The following TTC23L variants were observed in gnomAD, a reference collection of about 807,000 sequenced individuals.
TTC23L encodes tetratricopeptide repeat protein 23-like.
A neutral mutation model predicts 48.1 loss-of-function variants in TTC23L; 42 were observed. That is an observed-to-expected ratio of 0.87 (90% confidence interval 0.68 to 1.13). The LOEUF (loss-of-function observed/expected upper bound fraction) is 1.13. Ranked by LOEUF, TTC23L falls within the 50% of genes most tolerant of loss-of-function variation. TTC23L has a pLI of 0.00. For missense variants in TTC23L, 391 were observed against 421.0 expected (o/e 0.93, Z 0.62); for synonymous variants, 159 against 157.2 (o/e 1.01, Z -0.09).
intron 8 of TTC23L, among the ~76,000 whole-genome samples, chr5:34,877,008 A>T (rs190426134): frequency 2.8e-4 from 42 of 151,530 alleles, no homozygotes; most frequent in Admixed American, 2.0e-3. Flanking sequence ...ATCAAGATTT[A>T]AAAAAAAACA....
At chr5:34,869,287 T>G in intron 8 of TTC23L, 1 of 372,174 alleles carries the variant, frequency 2.7e-6, no homozygotes, top group Non-Finnish European at 5.2e-6. Flanking sequence ...CTAATAGATA[T>G]CACACATACT....
chr5:34,847,328 G>A (rs1028167841), intron 3 of TTC23L, among the ~76,000 whole-genome samples: 9 of 152,078 alleles, frequency 5.9e-5, no homozygotes, highest in African/African-American at 2.2e-4. Flanking sequence ...TGTAAGTGGG[G>A]GTTTTCAAGG....
At chr5:34,915,173 G>A in the TTC23L span, among the ~76,000 whole-genome samples, 1 of 152,226 alleles carries the variant, frequency 6.6e-6, no homozygotes, top group Non-Finnish European at 1.5e-5. Context: ...GTGAAAAGTT[G>A]TGAAGAATGA....
intron 10 of TTC23L, 139 bp from the exon 11 acceptor site, chr5:34,899,251 A>G (rs1056282468): frequency 6.6e-6 from 1 of 152,620 alleles, no homozygotes; most frequent in Admixed American, 6.5e-5. Context: ...TAATGGTGAC[A>G]CAGTCGCCTC....
At chr5:34,875,173 C>T (rs573467618) in intron 8 of TTC23L, among the ~76,000 whole-genome samples, 9 of 152,226 alleles carry the variant, frequency 5.9e-5, no homozygotes, top group East Asian at 3.9e-4. Flanking sequence ...TTAATGTGTA[C>T]GTGCCTAACA....
intron 2 of TTC23L, among the ~76,000 whole-genome samples, chr5:34,841,616 CAA>C (rs1404200402): frequency 1.3e-5 from 2 of 152,316 alleles, no homozygotes; most frequent in African/African-American, 4.8e-5. Flanking sequence ...CTCTTAGGCT[CAA>C]GAGATCCTCC....
At chr5:34,855,667 C>A (rs575296178) in intron 4 of TTC23L, among the ~76,000 whole-genome samples, 1 of 152,302 alleles carries the variant, frequency 6.6e-6, no homozygotes, top group African/African-American at 2.4e-5. Context: ...TACATACACA[C>A]AGTGGGATAT....
At chr5:34,919,585 A>G in the TTC23L span, among the ~76,000 whole-genome samples, 1 of 152,192 alleles carries the variant, frequency 6.6e-6, no homozygotes, top group Non-Finnish European at 1.5e-5. Flanking sequence ...GAATACCTAA[A>G]TATTGAGAAA....
At chr5:34,909,434 C>G in the TTC23L span, 1 of 989,122 alleles carries the variant, frequency 1.0e-6, no homozygotes, top group Admixed American at 2.0e-5. Flanking sequence ...AAAACACTTC[C>G]TTAAGAAATT....
chr5:34,924,363 A>C, the TTC23L span, among the ~76,000 whole-genome samples: 1 of 152,224 alleles, frequency 6.6e-6, no homozygotes, highest in Admixed American at 6.5e-5. Flanking sequence ...AGATAACATA[A>C]ATATTTGTTG....
chr5:34,880,769 G>A, intron 9 of TTC23L: 1 of 292,944 alleles, frequency 3.4e-6, no homozygotes, highest in South Asian at 2.8e-5. Context: ...CTCCCAAGTA[G>A]CTGGGATTAC....
intron 7 of TTC23L, 82 bp from the exon 8 acceptor site, chr5:34,868,823 G>C: frequency 8.6e-7 from 1 of 1,164,326 alleles, no homozygotes; most frequent in Non-Finnish European, 1.3e-6. Flanking sequence ...GGCAGAGCTG[G>C]GACTCAAACT....
chr5:34,850,228 C>T, exon 4 of TTC23L: 1 of 1,613,928 alleles, frequency 6.2e-7, no homozygotes, highest in East Asian at 2.2e-5. Flanking sequence ...GTCATCCTTT[C>T]TCGGATTATT....
At chr5:34,917,556 C>T in the TTC23L span, among the ~76,000 whole-genome samples, 1 of 152,072 alleles carries the variant, frequency 6.6e-6, no homozygotes, top group Admixed American at 6.5e-5. Context: ...AGGAGAATCG[C>T]TTGAACCCGG....
At chr5:34,915,531 C>A in the TTC23L span, 4 of 545,500 alleles carry the variant, frequency 7.3e-6, no homozygotes, top group South Asian at 2.8e-5. Context: ...CTCTTCAGAC[C>A]GGCCCTCCAC....
At chr5:34,847,913 T>C (rs1199019696) in intron 3 of TTC23L, among the ~76,000 whole-genome samples, 1 of 152,222 alleles carries the variant, frequency 6.6e-6, no homozygotes, top group African/African-American at 2.4e-5. Context: ...GGTACTGCTG[T>C]ATCTTATCTA....
At chr5:34,921,727 G>A in the TTC23L span, 1 of 152,486 alleles carries the variant, frequency 6.6e-6, no homozygotes, top group African/African-American at 2.4e-5. Flanking sequence ...CCAACATGGA[G>A]AAACCCCATC....
rs1761993949 is a variant in TTC23L, at chr5:34,878,249, C to A, written c.950-1932C>A. On this transcript the variant is annotated intron_variant, in intron 8 of 10. Coordinates refer to ENST00000505624, the Ensembl canonical transcript of TTC23L. ...GGTATTGTGGTGTGTTCCTGTAGTC[C>A]TAGCTACTTGGGAGGCTGAGTTAGG... 2.0e-5 allele frequency among the ~76,000 whole-genome samples: 3 copies of A among 152,108 alleles called. No homozygotes were observed. In the South Asian group the frequency reaches 6.2e-4, roughly 32 times the overall value.
the TTC23L span, chr5:34,923,120 CTTT>C: frequency 1.2e-6 from 2 of 1,606,642 alleles, no homozygotes; most frequent in Admixed American, 3.3e-5. Flanking sequence ...CTAACATACA[CTTT>C]TTTAACTAGA....
Sources: gnomAD v4.1 joint callset for allele counts (sites outside exome capture counted in the v4.1 genomes callset) on GRCh38, gnomAD v4.1.1 for gene constraint, MANE v1.5 for transcripts, NCBI Gene and HGNC (gene_info 2026-07-23, HGNC 2026-07-21) for gene names.